Variants in EIF2S3B observed in about 807,000 individuals in gnomAD.
The protein encoded by EIF2S3B is eukaryotic translation initiation factor 2 subunit gamma B.
EIF2S3B carries 16 observed loss-of-function variants against 26.4 expected under a neutral mutation model. The observed-to-expected ratio is 0.61, with a 90% CI of 0.41 to 0.92. EIF2S3B has a LOEUF of 0.92. EIF2S3B is among the 40% of genes least tolerant of loss of function. EIF2S3B has a pLI of 0.00. For synonymous variants in EIF2S3B, 183 were observed against 204.4 expected, an observed-to-expected ratio of 0.90 and a Z score of 0.89; for missense variants, 510 against 575.5, an observed-to-expected ratio of 0.89 and a Z score of 1.16.
At chr12:10,510,732 C>A (rs531489234), downstream of EIF2S3B, among the ~76,000 whole-genome samples, 2 of 152,172 alleles carry the variant, frequency 1.3e-5, no homozygotes, top group African/African-American at 4.8e-5. Context: ...TTGAGCCAGA[C>A]AGCCTCTGAC....
intron 1 of EIF2S3B, among the ~76,000 whole-genome samples, chr12:10,519,206 T>A (rs368988116): frequency 6.6e-6 from 1 of 152,046 alleles, no homozygotes; most frequent in Non-Finnish European, 1.5e-5. Context: ...ATAACGCCGC[T>A]TATCTACAAC....
chr12:10,518,925 C>T (rs1864796719), intron 1 of EIF2S3B, among the ~76,000 whole-genome samples: 2 of 152,058 alleles, frequency 1.3e-5, no homozygotes. Context: ...TAAAAATGGC[C>T]ATACTGCCCA....
At chr12:10,520,808 T>C (rs1483559580) in intron 1 of EIF2S3B, among the ~76,000 whole-genome samples, 3 of 152,252 alleles carry the variant, frequency 2.0e-5, no homozygotes, top group Middle Eastern at 3.4e-3. Context: ...GGAACATTCA[T>C]CATGAAGGAA....
chr12:10,515,390 A>C lies in EIF2S3B; in HGVS notation c.1309-7213A>C, dbSNP rs538410032. Among the ~76,000 whole-genome samples the C allele has an allele frequency of 2.6e-5, 4 of 152,214 alleles. No individual in the cohort carries two copies. The East Asian group carries it at 7.7e-4, about 29-fold the overall frequency. On this transcript the variant is annotated intron_variant, in intron 1 of 1. Coordinates refer to the EIF2S3B transcript ENST00000322446. Reference sequence around the variant, plus strand: ...ATTCTGTATCATCGGTGCCATATATAGTTCCTGACCTATAGAAGATACCCA... The same window carrying C: ...ATTCTGTATCATCGGTGCCATATATCGTTCCTGACCTATAGAAGATACCCA...
At chr12:10,518,878 G>A (rs1196700348) in intron 1 of EIF2S3B, among the ~76,000 whole-genome samples, 3 of 152,110 alleles carry the variant, frequency 2.0e-5, no homozygotes, top group African/African-American at 7.2e-5. Context: ...AGAAATGGAA[G>A]AACATTCCAT....
At chr12:10,519,496 A>G (rs1037962521) in intron 1 of EIF2S3B, among the ~76,000 whole-genome samples, 9 of 152,114 alleles carry the variant, frequency 5.9e-5, no homozygotes, top group African/African-American at 1.9e-4. Flanking sequence ...AACAAAAGCC[A>G]AAATTGACAA....
chr12:10,514,548 C>A (rs1864736200), intron 1 of EIF2S3B, among the ~76,000 whole-genome samples: 1 of 152,166 alleles, frequency 6.6e-6, no homozygotes, highest in Non-Finnish European at 1.5e-5. Flanking sequence ...CAGACCAATT[C>A]TTTCTGGTTG....
At chr12:10,519,064 C>T (rs1161886486) in intron 1 of EIF2S3B, among the ~76,000 whole-genome samples, 1 of 149,752 alleles carries the variant, frequency 6.7e-6, no homozygotes. Context: ...AATCCTAAGC[C>T]AAAAGAACAA....
chr12:10,506,512 T>C lies in EIF2S3B; in HGVS notation c.610T>C (p.Tyr204His). Residue 204 changes from tyrosine (Y) to histidine (H), a missense_variant, in exon 1 of 1, where the codon TAC becomes CAC. Tyr to His is a moderately conservative substitution (Grantham distance 83). Transcript: ENST00000538173. ...LVKERQAKEQYEQILAFVQGT... is the reference protein window; with the variant it reads ...LVKERQAKEQHEQILAFVQGT... ...AAAAGAAAGGCAGGCTAAAGAACAA[T>C]ACGAGCAGATCCTTGCGTTTGTCCA... 6.3e-7 allele frequency: 1 copy of C among 1,597,558 alleles called. No homozygotes were observed.
At chr12:10,519,418 C>T (rs1295040102) in intron 1 of EIF2S3B, among the ~76,000 whole-genome samples, 1 of 151,656 alleles carries the variant, frequency 6.6e-6, no homozygotes, top group African/African-American at 2.4e-5. Flanking sequence ...AGAAGAAAAC[C>T]TAGGCATTAC....
intron 1 of EIF2S3B, among the ~76,000 whole-genome samples, chr12:10,520,850 A>G (rs1231172036): frequency 1.3e-5 from 2 of 152,178 alleles, no homozygotes; most frequent in African/African-American, 2.4e-5. Flanking sequence ...TAAGCATGAT[A>G]GTCAAGAAAA....
At chr12:10,514,214 T>G (rs1292062042) in intron 1 of EIF2S3B, among the ~76,000 whole-genome samples, 2 of 150,962 alleles carry the variant, frequency 1.3e-5, no homozygotes, top group African/African-American at 4.9e-5. Flanking sequence ...CTCTACTATA[T>G]TGGGTTCCCT....
At chr12:10,510,148 A>C (rs2137945226), downstream of EIF2S3B, among the ~76,000 whole-genome samples, 1 of 152,334 alleles carries the variant, frequency 6.6e-6, no homozygotes, top group East Asian at 1.9e-4. Context: ...AAATATGAAG[A>C]TGTAACACAT....
chr12:10,509,942 A>G (rs758107280), downstream of EIF2S3B, among the ~76,000 whole-genome samples: 4 of 151,854 alleles, frequency 2.6e-5, no homozygotes, highest in East Asian at 3.9e-4. Flanking sequence ...TTTTCATCCT[A>G]TTTTTTTCCA....
downstream of EIF2S3B, among the ~76,000 whole-genome samples, chr12:10,509,247 C>G (rs1864682264): frequency 6.6e-6 from 1 of 152,008 alleles, no homozygotes. Context: ...TTCTAGCATT[C>G]TATCTATATG....
downstream of EIF2S3B, among the ~76,000 whole-genome samples, chr12:10,510,686 T>C (rs1010511344): frequency 2.0e-5 from 3 of 152,172 alleles, no homozygotes; most frequent in African/African-American, 4.8e-5. Context: ...ATGTTGGACA[T>C]AGCTCTTCTA....
exon 2 of EIF2S3B, chr12:10,522,956 T>A (rs1864848748): frequency 1.2e-5 from 3 of 247,358 alleles, no homozygotes. Flanking sequence ...TAAAATTATA[T>A]TTATATACAC....
In EIF2S3B at chr12:10,507,990, A is replaced by G. The variant is rs1475987579; in HGVS notation, c.*669A>G. On this transcript the variant is annotated 3_prime_UTR_variant, in exon 1 of 1. Transcript: ENST00000538173. ...GAAATAAAGTTTTTTTTTGTTTTTC[A>G]TGATTCGTCTTTGAGTACCTCCAGG... Among the ~76,000 whole-genome samples the G allele has an allele frequency of 3.3e-5, 5 of 152,082 alleles. No individual in the cohort carries two copies. The highest frequency in any genetic ancestry group is 4.8e-5 in the African/African-American group (2 of 41,424).
chr12:10,507,182 T>C lies in EIF2S3B; in HGVS notation c.1280T>C (p.Ile427Thr), dbSNP rs745770488. 3.7e-6 allele frequency: 6 copies of C among 1,613,878 alleles called. No homozygotes were observed. In the South Asian group the frequency reaches 5.5e-5, roughly 15 times the overall value. ...GCTGTCAAGGCCGATTTGGGCAAAA[T>C]TGTTTTGACCAATCCAGTGTGCACA... ...VSAVKADLGKIVLTNPVCTEV... is the reference protein window; with the variant it reads ...VSAVKADLGKTVLTNPVCTEV... Residue 427 changes from isoleucine (I) to threonine (T), a missense_variant, in exon 1 of 1, where the codon ATT becomes ACT. By Grantham distance (89) the Ile-to-Thr change is moderately conservative. Transcript: ENST00000538173.
Sources: gnomAD v4.1 joint callset for allele counts (sites outside exome capture counted in the v4.1 genomes callset) on GRCh38, gnomAD v4.1.1 for gene constraint, MANE v1.5 for transcripts, NCBI Gene and HGNC (gene_info 2026-07-23, HGNC 2026-07-21) for gene names.